KIF5B: variants seen among roughly 807,000 people sequenced by gnomAD.
KIF5B encodes kinesin family member 5B.
KIF5B carries 49 observed loss-of-function variants against 132.8 expected under a neutral mutation model. That is an observed-to-expected ratio of 0.37 (90% CI 0.29 to 0.47). The LOEUF is 0.47. KIF5B is among the 20% of genes least tolerant of loss of function. The probability of loss-of-function intolerance (pLI) is 1.00; values close to 1 mark genes in which losing one functional copy is unlikely to be tolerated. For missense variants in KIF5B, 780 were observed against 1,144.0 expected (o/e 0.68, Z 4.59); for synonymous variants, 355 against 369.4 (o/e 0.96, Z 0.45).
intron 8 of KIF5B, 111 bp from the exon 9 acceptor site, chr10:32,036,105 A>C: frequency 1.7e-6 from 1 of 600,162 alleles, no homozygotes; most frequent in Non-Finnish European, 2.6e-6. Flanking sequence ...AAAAAAGAAC[A>C]TGAAAAGCTT....
Position 32,048,560 on chromosome 10 carries a change from CA to C in KIF5B, c.127-10del. Reference sequence around the variant, plus strand: ...AATGCATAAGGCTTGGACTGAAAAACAAAAAAGTGTTTCAACTATACAAATT... The same window carrying C: ...AATGCATAAGGCTTGGACTGAAAAACAAAAAGTGTTTCAACTATACAAATT... On this transcript the variant is annotated splice_polypyrimidine_tract_variant and intron_variant, in intron 1 of 25. Coordinates refer to ENST00000302418, the MANE Select transcript of KIF5B (RefSeq NM_004521.3). 1.2e-6 allele frequency: 2 copies of C among 1,601,246 alleles called. No homozygotes were observed. The highest frequency in any genetic ancestry group is 1.7e-6 in the Non-Finnish European group (2 of 1,172,678).
At position 32,056,109 on chromosome 10, in the gene KIF5B, C is replaced by T. The variant is rs1841759883; in HGVS notation, c.-136G>A. Reference sequence around the variant, plus strand: ...TCAGCTGCGCCGCGCTGCGCTTCCCCGGGTGGAGGCGGCCGGGGAGCCGGG... The same window carrying T: ...TCAGCTGCGCCGCGCTGCGCTTCCCTGGGTGGAGGCGGCCGGGGAGCCGGG... On this transcript the variant is annotated 5_prime_UTR_variant, in exon 1 of 26. Coordinates refer to ENST00000302418, the MANE Select transcript of KIF5B (RefSeq NM_004521.3). The T allele has an allele frequency of 9.3e-7, 1 of 1,077,840 alleles. No individual in the cohort carries two copies. 66.8% of individuals were successfully genotyped at this position (1,077,840 alleles called of 1,614,324 possible).
intron 20 of KIF5B, among the ~76,000 whole-genome samples, chr10:32,019,252 G>A (rs1366511545): frequency 1.3e-5 from 2 of 152,164 alleles, no homozygotes; most frequent in African/African-American, 4.8e-5. Flanking sequence ...ACAGCTGCAA[G>A]TTAGCAGAAT....
At chr10:32,049,635 C>T (rs1039760960) in intron 1 of KIF5B, among the ~76,000 whole-genome samples, 1 of 152,028 alleles carries the variant, frequency 6.6e-6, no homozygotes, top group Non-Finnish European at 1.5e-5. Flanking sequence ...CTGAAAACAG[C>T]TTTGATCTTC....
chr10:32,019,970 A>G lies in KIF5B; in HGVS notation c.2205-11T>C. 6.4e-7 allele frequency: 1 copy of G among 1,551,124 alleles called. No individual in the cohort carries two copies. Among genetic ancestry groups the G allele is most frequent in the East Asian group, 2.2e-5 (1 of 44,482 alleles). On this transcript the variant is annotated splice_polypyrimidine_tract_variant and intron_variant, in intron 19 of 25. Coordinates refer to ENST00000302418, the MANE Select transcript of KIF5B (RefSeq NM_004521.3). ...ATTTTCTGGTTTTGGCTGACGAAAG[A>G]AAAAAATAATTAACACAGTATCAAT...
chr10:32,051,334 C>G (rs546143763), intron 1 of KIF5B, among the ~76,000 whole-genome samples: 2 of 152,314 alleles, frequency 1.3e-5, no homozygotes, highest in East Asian at 1.9e-4. Context: ...GCTGGGATTA[C>G]AGGCGTGATC....
At chr10:32,046,832 C>T (rs779233959) in intron 2 of KIF5B, among the ~76,000 whole-genome samples, 3 of 152,176 alleles carry the variant, frequency 2.0e-5, no homozygotes, top group Admixed American at 6.5e-5. Context: ...AATCAACTTA[C>T]GATGGGGTTA....
intron 1 of KIF5B, among the ~76,000 whole-genome samples, chr10:32,055,554 G>A (rs1432889977): frequency 6.6e-6 from 1 of 152,020 alleles, no homozygotes; most frequent in Non-Finnish European, 1.5e-5. Context: ...AGACAAACGT[G>A]CACTGAACTT....
chr10:32,018,203 C>A (rs764033711), intron 22 of KIF5B, 47 bp from the exon 23 acceptor site: 2 of 1,483,142 alleles, frequency 1.3e-6, no homozygotes, highest in East Asian at 4.5e-5. Flanking sequence ...AAAAACTAAG[C>A]TTAACTATAC....
chr10:32,037,430 A>T (rs1329413609), intron 7 of KIF5B, 52 bp from the exon 8 acceptor site: 9 of 1,602,106 alleles, frequency 5.6e-6, no homozygotes, highest in African/African-American at 1.3e-5. Context: ...TCCCCTTAAC[A>T]ATTTCCCTGA....
Position 32,040,380 on chromosome 10 carries a change from T to A in KIF5B, c.288+4A>T. 2 of 1,558,558 alleles carry A rather than the reference T, an allele frequency of 1.3e-6. No homozygotes were observed. Among genetic ancestry groups the A allele is most frequent in the Non-Finnish European group, 1.8e-6 (2 of 1,129,582 alleles). ...ACATCTAAGTACAGATTATAAAACG[T>A]TACCTCCATTGTGTGTGTCTTCCCA... On this transcript the variant is annotated splice_donor_region_variant and intron_variant, in intron 3 of 25. Coordinates refer to ENST00000302418, the MANE Select transcript of KIF5B (RefSeq NM_004521.3).
chr10:32,042,170 C>A (rs1841550459), intron 2 of KIF5B, among the ~76,000 whole-genome samples: 1 of 151,876 alleles, frequency 6.6e-6, no homozygotes, highest in African/African-American at 2.4e-5. Flanking sequence ...AATAAGCAAG[C>A]CAATCCTTGT....
intron 15 of KIF5B, among the ~76,000 whole-genome samples, chr10:32,025,715 CA>C: frequency 6.6e-6 from 1 of 152,144 alleles, no homozygotes; most frequent in Non-Finnish European, 1.5e-5. Flanking sequence ...CATTAATTGC[CA>C]AAACCTCAAA....
chr10:32,036,891 CGA>C (rs1231571868), intron 8 of KIF5B, among the ~76,000 whole-genome samples: 13 of 152,078 alleles, frequency 8.5e-5, no homozygotes, highest in Non-Finnish European at 1.6e-4. Flanking sequence ...AAAGACTAAT[CGA>C]GAGTTACCAG....
intron 11 of KIF5B, among the ~76,000 whole-genome samples, chr10:32,034,484 A>C (rs1019905318): frequency 6.6e-6 from 1 of 152,208 alleles, no homozygotes; most frequent in African/African-American, 2.4e-5. Context: ...TCTTCTGCTT[A>C]ATTAATTCTA....
In KIF5B at chr10:32,011,484, T is replaced by C. The variant is rs1564460414; in HGVS notation, c.*53A>G. On this transcript the variant is annotated 3_prime_UTR_variant, in exon 26 of 26. Transcript: ENST00000302418. The stretch of plus-strand genomic sequence containing the variant: ...GTCATTGAATGACTGCTTGATACCA[T>C]GTCCTCTTCGTACTTCGATTACTTT... 1.4e-5 allele frequency: 2 copies of C among 144,722 alleles called. No individual in the cohort carries two copies. The highest frequency in any genetic ancestry group is 5.0e-5 in the African/African-American group (2 of 39,998). The allele number at this position is 144,722 out of a possible 1,614,324, so 9.0% of individuals were successfully genotyped here.
intron 17 of KIF5B, 37 bp from the exon 18 acceptor site, chr10:32,021,324 G>A: frequency 6.9e-7 from 1 of 1,459,612 alleles, no homozygotes; most frequent in Non-Finnish European, 9.6e-7. Flanking sequence ...AGTGAAATAA[G>A]CCTTTAAGGT....
chr10:32,015,707 A>G, intron 24 of KIF5B, 48 bp from the exon 25 acceptor site: 1 of 1,443,806 alleles, frequency 6.9e-7, no homozygotes, highest in Non-Finnish European at 9.5e-7. Context: ...TTAAGATGTG[A>G]CTGCAATGAC....
At position 32,048,487 on chromosome 10, in the gene KIF5B, T is replaced by G; in HGVS notation, c.191A>C (p.Asp64Ala). The G allele has an allele frequency of 6.2e-7, 1 of 1,613,050 alleles. No individual in the cohort carries two copies. Among genetic ancestry groups the G allele is most frequent in the Non-Finnish European group, 8.5e-7 (1 of 1,179,320 alleles). ...ACCTTTAACAATCTTCTTTGCACAGTCATTATACACTTGCTCTTGAGATGT... is the reference window on the plus strand; with the variant it reads ...ACCTTTAACAATCTTCTTTGCACAGGCATTATACACTTGCTCTTGAGATGT... ...SSTSQEQVYN[D>A]CAKKIVKDVL... is the part of the protein sequence containing the mutation. The change falls in exon 2 of 26, where the codon GAC becomes GCC. Residue 64 changes from aspartate to alanine, a missense_variant. By Grantham distance (126) the Asp-to-Ala change is moderately radical. Transcript: ENST00000302418.
Sources: gnomAD v4.1 joint callset for allele counts (sites outside exome capture counted in the v4.1 genomes callset) on GRCh38, gnomAD v4.1.1 for gene constraint, MANE v1.5 for transcripts, NCBI Gene and HGNC (gene_info 2026-07-23, HGNC 2026-07-21) for gene names.